Variants in PTPRN2 observed in about 807,000 individuals in gnomAD.
The protein encoded by PTPRN2 is protein tyrosine phosphatase receptor type N2.
A neutral mutation model predicts 118.8 loss-of-function variants in PTPRN2; 74 were observed. That is an observed-to-expected ratio of 0.62 (90% CI 0.52 to 0.76). The LOEUF is 0.76. PTPRN2 is among the 30% of genes least tolerant of loss of function. The pLI, the probability that PTPRN2 is intolerant of heterozygous loss-of-function variation, is 0.00. For synonymous variants in PTPRN2, 641 were observed against 608.0 expected, an observed-to-expected ratio of 1.05 and a Z score of -0.80; for missense variants, 1,481 against 1,394.4, an observed-to-expected ratio of 1.06 and a Z score of -0.99.
At chr7:158,587,289 AGAACCTCTCAGAGGC>A in intron 1 of PTPRN2, among the ~76,000 whole-genome samples, 1 of 47,962 alleles carries the variant, frequency 2.1e-5, no homozygotes, top group South Asian at 1.1e-3. Context: ...TCCCTCCCCC[AGAACCTCTCAGAGGC>A]GCCCCTCCCC....
At chr7:158,078,002 T>C (rs1214206884) in intron 11 of PTPRN2, among the ~76,000 whole-genome samples, 1 of 152,092 alleles carries the variant, frequency 6.6e-6, no homozygotes, top group Non-Finnish European at 1.5e-5. Context: ...TTTTTAATAT[T>C]CACTAATACC....
At chr7:158,323,635 AAG>A (rs1803217508) in intron 2 of PTPRN2, among the ~76,000 whole-genome samples, 1 of 152,334 alleles carries the variant, frequency 6.6e-6, no homozygotes, top group African/African-American at 2.4e-5. Context: ...AAATAAGAAA[AAG>A]AGCTCATTTA....
At chr7:158,206,039 G>C (rs549021533) in intron 3 of PTPRN2, among the ~76,000 whole-genome samples, 1 of 152,274 alleles carries the variant, frequency 6.6e-6, no homozygotes, top group East Asian at 1.9e-4. Flanking sequence ...TCCTGGTGCT[G>C]TGCTTGGCTT....
intron 1 of PTPRN2, among the ~76,000 whole-genome samples, chr7:158,515,367 A>G (rs899045307): frequency 6.6e-6 from 1 of 151,784 alleles, no homozygotes; most frequent in Non-Finnish European, 1.5e-5. Context: ...TTTTATTTTC[A>G]GTAGAGATGG....
intron 2 of PTPRN2, among the ~76,000 whole-genome samples, chr7:158,466,858 C>T (rs979341460): frequency 6.6e-5 from 10 of 151,974 alleles, no homozygotes; most frequent in African/African-American, 2.2e-4. Flanking sequence ...CTGGCCAACA[C>T]GGTGAAACCC....
chr7:158,273,200 G>A (rs939798590), intron 3 of PTPRN2, among the ~76,000 whole-genome samples: 5 of 152,292 alleles, frequency 3.3e-5, no homozygotes, highest in African/African-American at 4.8e-5. Context: ...GACAGGGCAC[G>A]TGGAGCTCCA....
intron 12 of PTPRN2, among the ~76,000 whole-genome samples, chr7:157,843,904 C>T (rs1808606957): frequency 6.6e-6 from 1 of 152,226 alleles, no homozygotes; most frequent in Admixed American, 6.5e-5. Context: ...GCAAACAGGG[C>T]TCCACATTGG....
chr7:158,171,496 G>A (rs537923510), intron 5 of PTPRN2, among the ~76,000 whole-genome samples: 19 of 151,562 alleles, frequency 1.3e-4, no homozygotes, highest in Admixed American at 1.3e-4. Flanking sequence ...TTACAGGCAC[G>A]CGCCACCAGG....
At chr7:157,672,871 G>A (rs980278640) in intron 13 of PTPRN2, among the ~76,000 whole-genome samples, 9 of 152,156 alleles carry the variant, frequency 5.9e-5, no homozygotes, top group African/African-American at 9.7e-5. Context: ...AATCGTCTGC[G>A]AATCTTCCCA....
intron 21 of PTPRN2, among the ~76,000 whole-genome samples, chr7:157,565,791 G>A (rs1799455520): frequency 6.6e-6 from 1 of 152,140 alleles, no homozygotes; most frequent in African/African-American, 2.4e-5. Flanking sequence ...TGCTACATGT[G>A]AGCCAAGCCC....
At position 158,509,997 on chromosome 7, in the gene PTPRN2, G is replaced by A. The variant is rs114416201; in HGVS notation, c.113-20212C>T. Among the ~76,000 whole-genome samples, 1,396 of 152,236 alleles carry A rather than the reference G, an allele frequency of 9.2e-3. 24 individuals carry two copies. The highest frequency in any genetic ancestry group is 0.031 in the African/African-American group (1,279 of 41,554). On this transcript the variant is annotated intron_variant, in intron 1 of 22. Transcript: ENST00000389418. This position sits in a 1 kb window ranked among gnomAD's most constrained non-coding sequence, Gnocchi z 4.4. Reference sequence around the variant, plus strand: ...TCAAGCCTTAAAAAGCCATTCTCTCGGCAGAGAAGAACAGGCACACACAAC... The same window carrying A: ...TCAAGCCTTAAAAAGCCATTCTCTCAGCAGAGAAGAACAGGCACACACAAC...
At chr7:157,822,557 G>T (rs745741746) in intron 12 of PTPRN2, among the ~76,000 whole-genome samples, 89 of 149,508 alleles carry the variant, frequency 6.0e-4, no homozygotes, top group Admixed American at 1.2e-3. Context: ...CCAATCATCC[G>T]CTATCCATTA....
chr7:157,940,827 A>AT (rs1800035455), intron 11 of PTPRN2, among the ~76,000 whole-genome samples: 2 of 49,880 alleles, frequency 4.0e-5, no homozygotes, highest in Non-Finnish European at 6.2e-5. Context: ...TGCCCTCCCC[A>AT]CAGTGACACT....
chr7:158,330,922 C>T (rs111432891), intron 2 of PTPRN2, among the ~76,000 whole-genome samples: 6 of 72,744 alleles, frequency 8.2e-5, no homozygotes, highest in African/African-American at 1.8e-4. Flanking sequence ...GCAGACGTCA[C>T]TCACACCCAC....
At chr7:158,145,171 C>A (rs1024741483) in intron 6 of PTPRN2, among the ~76,000 whole-genome samples, 6 of 151,424 alleles carry the variant, frequency 4.0e-5, no homozygotes, top group Non-Finnish European at 5.9e-5. Flanking sequence ...CTCACATCAT[C>A]GTGAGAAGGT....
intron 11 of PTPRN2, among the ~76,000 whole-genome samples, chr7:157,985,926 G>A (rs1167712726): frequency 6.6e-6 from 1 of 152,012 alleles, no homozygotes; most frequent in Non-Finnish European, 1.5e-5. Context: ...CAGCCAGACA[G>A]CCCACCTGGC....
chr7:157,839,508 T>A (rs905890112), intron 12 of PTPRN2, among the ~76,000 whole-genome samples: 5 of 151,758 alleles, frequency 3.3e-5, no homozygotes, highest in Non-Finnish European at 5.9e-5. Context: ...TGTGTCTATG[T>A]GTCTGTCTGT....
chr7:158,305,842 AG>A (rs1190062753), intron 3 of PTPRN2, among the ~76,000 whole-genome samples: 2 of 151,930 alleles, frequency 1.3e-5, no homozygotes, highest in East Asian at 3.9e-4. Flanking sequence ...GCTGAATCTC[AG>A]CAAGAACAGC....
intron 1 of PTPRN2, among the ~76,000 whole-genome samples, chr7:158,520,948 G>A (rs1321332472): frequency 1.3e-5 from 2 of 152,168 alleles, no homozygotes; most frequent in Admixed American, 6.5e-5. Context: ...CAGGCCATGA[G>A]GGCCTGGCCG....
Sources: gnomAD v4.1 joint callset for allele counts (sites outside exome capture counted in the v4.1 genomes callset) on GRCh38, gnomAD v4.1.1 for gene constraint, Gnocchi (gnomAD v3.1) non-coding constraint, MANE v1.5 for transcripts, NCBI Gene and HGNC (gene_info 2026-07-23, HGNC 2026-07-21) for gene names.